Variants in PMP2 observed in about 807,000 individuals in gnomAD.
PMP2 encodes the protein myelin P2 protein.
In PMP2, 11 loss-of-function variants were observed where a neutral mutation model predicts 15.9. The ratio of observed to expected loss-of-function variants is 0.69; its 90% CI spans 0.44 to 1.14. The LOEUF is 1.14. Among genes scored for constraint, PMP2 ranks in the 50% most tolerant of loss-of-function variants. The pLI is 0.00. For synonymous variants in PMP2, 55 were observed against 54.1 expected (o/e 1.02, Z -0.07); for missense variants, 151 against 154.0 (o/e 0.98, Z 0.10).
chr8:81,441,491 T>A lies in PMP2; in HGVS notation c.*1907A>T, dbSNP rs752403761. 2.0e-5 allele frequency: 3 copies of A among 152,060 alleles called. No individual in the cohort carries two copies. Among genetic ancestry groups the A allele is most frequent in the Non-Finnish European group, 2.9e-5 (2 of 67,966 alleles). 9.4% of individuals were successfully genotyped at this position (152,060 alleles called of 1,614,324 possible). ...CACATTTAACACTGGTCCATGACGTTCTATTGCAAAAGAGAAACCTTCTCA... is the reference window on the plus strand; with the variant it reads ...CACATTTAACACTGGTCCATGACGTACTATTGCAAAAGAGAAACCTTCTCA... On this transcript the variant is annotated 3_prime_UTR_variant, in exon 4 of 4. Coordinates refer to ENST00000256103, the MANE Select transcript of PMP2 (RefSeq NM_002677.5).
At chr8:81,446,506 C>T (rs1014186012) in intron 1 of PMP2, among the ~76,000 whole-genome samples, 10 of 152,212 alleles carry the variant, frequency 6.6e-5, no homozygotes, top group Non-Finnish European at 1.5e-4. Context: ...GCTGTAGGCA[C>T]TTTGACAAGC....
rs758115020 is a variant in PMP2, at chr8:81,447,372, G to T, written c.15C>A (p.Phe5Leu). 6.2e-7 allele frequency: 1 copy of T among 1,613,622 alleles called. No individual in the cohort carries two copies. Among genetic ancestry groups the T allele is most frequent in the Non-Finnish European group, 8.5e-7 (1 of 1,179,676 alleles). ...TAGAGACAAGTTTCCAGGTGCCCAG[G>T]AATTTGTTGCTCATCGTGATGGGTG... MSNK[F>L]LGTWKLVSSE... is the part of the protein sequence containing the mutation. Residue 5 changes from phenylalanine (F) to leucine (L), a missense_variant, in exon 1 of 4, where the codon TTC becomes TTA. Transcript: ENST00000256103.
At position 81,441,556 on chromosome 8, in the gene PMP2, ATCTATC is replaced by A. The variant is rs1807343452; in HGVS notation, c.*1836_*1841del. ...TATCTATCTATCTATCTATCTATCT[ATCTATC>A]TATATATCTATCTATCATCTGTCAG... On this transcript the variant is annotated 3_prime_UTR_variant, in exon 4 of 4. Transcript: ENST00000256103. The A allele has an allele frequency of 1.3e-5, 2 of 149,490 alleles. No homozygotes were observed. The highest frequency in any genetic ancestry group is 2.5e-5 in the African/African-American group (1 of 39,250). The allele number at this position is 149,490 out of a possible 1,614,324, so 9.3% of individuals were successfully genotyped here. A position where few individuals can be genotyped will look rare whatever the true frequency, so the allele number is the denominator to read the frequency against.
chr8:81,444,769 C>G lies in PMP2; in HGVS notation c.246+48G>C, dbSNP rs768762161. The G allele has an allele frequency of 3.2e-6, 5 of 1,556,108 alleles. No homozygotes were observed. In the Admixed American group the frequency reaches 8.6e-5, roughly 27 times the overall value. The stretch of plus-strand genomic sequence containing the variant: ...TACACTAGCAGGAATATTCCTCTCT[C>G]TCAAGCAGCCCACTGGGCCAACTTT... On this transcript the variant is annotated intron_variant, in intron 2 of 3. Transcript: ENST00000256103.
chr8:81,447,329 A>G lies in PMP2; in HGVS notation c.58T>C (p.Tyr20His). 1 of 1,613,474 alleles carries G rather than the reference A, an allele frequency of 6.2e-7. No homozygotes were observed. The highest frequency in any genetic ancestry group is 8.5e-7 in the Non-Finnish European group (1 of 1,179,394). ...CATTTCTTACCCAGAGCTTTCATGT[A>G]ATCGTCAAAGTTCTCACTAGAGACA... ...KLVSSENFDDYMKALGVGLAT... is the reference protein window; with the variant it reads ...KLVSSENFDDHMKALGVGLAT... The change falls in exon 1 of 4, where the codon TAC becomes CAC. Residue 20 changes from tyrosine (Y) to histidine (H), a missense_variant. By Grantham distance (83) the Tyr-to-His change is moderately conservative (BLOSUM62 2). Transcript: ENST00000256103.
At chr8:81,446,307 C>A (rs1468601201) in intron 1 of PMP2, among the ~76,000 whole-genome samples, 3 of 152,138 alleles carry the variant, frequency 2.0e-5, no homozygotes, top group African/African-American at 7.2e-5. Flanking sequence ...ATTAGAAAAT[C>A]CTTCACTGAG....
At chr8:81,446,926 C>A (rs994367346) in intron 1 of PMP2, among the ~76,000 whole-genome samples, 7 of 152,158 alleles carry the variant, frequency 4.6e-5, no homozygotes, top group Non-Finnish European at 2.9e-5. Context: ...CTAGGATTTG[C>A]AATATATTCA....
chr8:81,443,476 A>G (rs1271554237), intron 3 of PMP2, 28 bp from the exon 4 acceptor site: 1 of 1,478,010 alleles, frequency 6.8e-7, no homozygotes, highest in Non-Finnish European at 9.3e-7. Flanking sequence ...TTAATTGAGT[A>G]TCTCAAGTTC....
rs769192912 is a variant in PMP2, at chr8:81,444,880, T to C, written c.183A>G (p.Thr61=). The C allele has an allele frequency of 6.2e-7, 1 of 1,613,766 alleles. No individual in the cohort carries two copies. Among genetic ancestry groups the C allele is most frequent in the Non-Finnish European group, 8.5e-7 (1 of 1,179,618 alleles). ...TIRTESTFKN[T]EISFKLGQEF... ...CCTGGCCTAGCTTGAAGGAGATTTC[T>C]GTATTTTTAAAGGTACTTTCAGTTC... Residue 61 remains threonine, a synonymous_variant, in exon 2 of 4, where the codon ACA becomes ACG. Transcript: ENST00000256103.
chr8:81,441,528 A>G lies in PMP2; in HGVS notation c.*1870T>C, dbSNP rs1006848955. ...GAGAAACCTTCTCATTTCTCTATCT[A>G]TCTATCTATCTATCTATCTATCTAT... On this transcript the variant is annotated 3_prime_UTR_variant, in exon 4 of 4. Transcript: ENST00000256103. 6 of 115,800 alleles carry G rather than the reference A, an allele frequency of 5.2e-5. No homozygotes were observed. Among genetic ancestry groups the G allele is most frequent in the African/African-American group, 8.1e-5 (2 of 24,740 alleles). The allele number at this position is 115,800 out of a possible 1,614,324, so 7.2% of individuals were successfully genotyped here. A position where few individuals can be genotyped will look rare whatever the true frequency, so the allele number is the denominator to read the frequency against.
intron 3 of PMP2, 113 bp downstream of exon 3, chr8:81,444,384 ATTC>A: frequency 1.5e-6 from 1 of 655,166 alleles, no homozygotes; most frequent in Non-Finnish European, 2.6e-6. Flanking sequence ...CTCTTACTTT[ATTC>A]TTAGTCATTT....
In PMP2 at chr8:81,442,137, AT is replaced by A. The variant is rs1434189295; in HGVS notation, c.*1260del. 1 of 152,104 alleles carries A rather than the reference AT, an allele frequency of 6.6e-6. No individual in the cohort carries two copies. Among genetic ancestry groups the A allele is most frequent in the Non-Finnish European group, 1.5e-5 (1 of 67,964 alleles). The allele number at this position is 152,104 out of a possible 1,614,324, so 9.4% of individuals were successfully genotyped here. ...CATATACATGGTTTAGAAATTATGA[AT>A]TTATACCAATTCTATTCCATTTCCA... is the stretch of plus-strand genomic sequence containing the variant. On this transcript the variant is annotated 3_prime_UTR_variant, in exon 4 of 4. Transcript: ENST00000256103.
chr8:81,443,859 C>A (rs760319868), intron 3 of PMP2, among the ~76,000 whole-genome samples: 14 of 152,018 alleles, frequency 9.2e-5, no homozygotes, highest in Non-Finnish European at 1.9e-4. Context: ...ATCTGTTGTG[C>A]AGCAAGGGCT....
At chr8:81,445,456 C>T (rs1563518624) in intron 1 of PMP2, among the ~76,000 whole-genome samples, 1 of 152,132 alleles carries the variant, frequency 6.6e-6, no homozygotes, top group Non-Finnish European at 1.5e-5. Context: ...ATCTCCTGAC[C>T]TCGTGATCTG....
Position 81,443,462 on chromosome 8 carries a change from G to A in PMP2, c.349-14C>T. ...CATTTTACATTCCTTAAAAAAGAGAGAGGTTAATTGAGTATCTCAAGTTCA... is the reference window on the plus strand; with the variant it reads ...CATTTTACATTCCTTAAAAAAGAGAAAGGTTAATTGAGTATCTCAAGTTCA... On this transcript the variant is annotated splice_polypyrimidine_tract_variant and intron_variant, in intron 3 of 3. Transcript: ENST00000256103. 1.3e-6 allele frequency: 2 copies of A among 1,558,710 alleles called. No individual in the cohort carries two copies. Among genetic ancestry groups the A allele is most frequent in the Non-Finnish European group, 1.8e-6 (2 of 1,141,324 alleles).
Position 81,441,557 on chromosome 8 carries a change from T to TCTATCTATCTAC in PMP2, c.*1840_*1841insGTAGATAGATAG, listed in dbSNP as rs1554569877. The TCTATCTATCTAC allele has an allele frequency of 2.7e-5, 4 of 149,746 alleles. No individual in the cohort carries two copies. The highest frequency in any genetic ancestry group is 1.0e-4 in the African/African-American group (4 of 39,352). The allele number at this position is 149,746 out of a possible 1,614,324, so 9.3% of individuals were successfully genotyped here. A position where few individuals can be genotyped will look rare whatever the true frequency, so the allele number is the denominator to read the frequency against. ...ATCTATCTATCTATCTATCTATCTA[T>TCTATCTATCTAC]CTATCTATATATCTATCTATCATCT... On this transcript the variant is annotated 3_prime_UTR_variant, in exon 4 of 4. Transcript: ENST00000256103.
chr8:81,444,870 A>C lies in PMP2; in HGVS notation c.193T>G (p.Phe65Val). The part of the protein sequence containing the change: ...ESTFKNTEIS[F>V]KLGQEFEETT... ...TCTTCAAATTCCTGGCCTAGCTTGA[A>C]GGAGATTTCTGTATTTTTAAAGGTA... The change falls in exon 2 of 4, where the codon TTC becomes GTC. Residue 65 changes from phenylalanine (F) to valine (V), a missense_variant. Transcript: ENST00000256103. 1 of 1,613,836 alleles carries C rather than the reference A, an allele frequency of 6.2e-7. No individual in the cohort carries two copies. The highest frequency in any genetic ancestry group is 2.2e-5 in the East Asian group (1 of 44,882).
rs114661905 is a variant in PMP2 at position 81,444,492 on chromosome 8, A to G, written c.348+8T>C. The G allele has an allele frequency of 2.3e-3, 3,510 of 1,548,504 alleles. 72 individuals carry two copies. In the African/African-American group the frequency reaches 0.04, roughly 18 times the overall value. ...TATTTCTCTATTTAGAAGTAAAGAT[A>G]CTCTTACCGCTACCATTTTCCCATT... On this transcript the variant is annotated splice_region_variant and intron_variant, in intron 3 of 3. Transcript: ENST00000256103.
At position 81,442,471 on chromosome 8, in the gene PMP2, A is replaced by G. The variant is rs1490771485; in HGVS notation, c.*927T>C. The G allele has an allele frequency of 6.6e-6, 1 of 152,542 alleles. No individual in the cohort carries two copies. The highest frequency in any genetic ancestry group is 1.5e-5 in the Non-Finnish European group (1 of 67,974). The allele number at this position is 152,542 out of a possible 1,614,324, so 9.4% of individuals were successfully genotyped here. ...GCAGCCGAAAATTAGAAATAGCTCA[A>G]TTGTCTTAATAGTAGAATGGATAAA... On this transcript the variant is annotated 3_prime_UTR_variant, in exon 4 of 4. Transcript: ENST00000256103.
Sources: allele counts gnomAD v4.1 joint callset (sites outside exome capture counted in the v4.1 genomes callset), GRCh38; gene constraint gnomAD v4.1.1; transcripts MANE v1.5; gene names NCBI Gene and HGNC (gene_info 2026-07-23, HGNC 2026-07-21).